GPC6: variants seen among roughly 807,000 people sequenced by gnomAD.
GPC6 encodes glypican 6, also known as glypican-6.
In GPC6, 14 loss-of-function variants were observed where a neutral mutation model predicts 55.2. The observed-to-expected ratio is 0.25, with a 90% CI of 0.17 to 0.40. The LOEUF (loss-of-function observed/expected upper bound fraction) is 0.40. GPC6 is among the 10% of genes least tolerant of loss of function. GPC6 has a pLI of 1.00. For synonymous variants in GPC6, 278 were observed against 259.6 expected (o/e 1.07, Z -0.68); for missense variants, 641 against 708.5 (o/e 0.90, Z 1.08).
At chr13:93,501,961 AT>A (rs1880536169) in intron 1 of GPC6, among the ~76,000 whole-genome samples, 1 of 152,172 alleles carries the variant, frequency 6.6e-6, no homozygotes, top group Non-Finnish European at 1.5e-5. Flanking sequence ...AGAATGTAGA[AT>A]AGTATATATT....
chr13:94,188,770 T>C (rs964638611), intron 4 of GPC6, among the ~76,000 whole-genome samples: 1 of 151,986 alleles, frequency 6.6e-6, no homozygotes, highest in African/African-American at 2.4e-5. Flanking sequence ...CCCCATCCCA[T>C]AGCTGGTGAC....
intron 4 of GPC6, among the ~76,000 whole-genome samples, chr13:94,075,812 C>T (rs2138788946): frequency 6.6e-6 from 1 of 152,192 alleles, no homozygotes; most frequent in South Asian, 2.1e-4. Context: ...CTTTCTAATG[C>T]TGAATAATAT....
At chr13:94,282,023 G>A (rs1279628704) in intron 4 of GPC6, among the ~76,000 whole-genome samples, 3 of 152,084 alleles carry the variant, frequency 2.0e-5, no homozygotes, top group African/African-American at 7.2e-5. Flanking sequence ...AACAAAAAGG[G>A]GAAATTATCT....
At chr13:93,846,738 G>A (rs979741442) in intron 3 of GPC6, among the ~76,000 whole-genome samples, 4 of 152,122 alleles carry the variant, frequency 2.6e-5, no homozygotes, top group African/African-American at 7.2e-5. Flanking sequence ...CACTTGAACC[G>A]GGGAGACGGA....
At chr13:93,902,546 T>C (rs1049495625) in intron 3 of GPC6, among the ~76,000 whole-genome samples, 17 of 152,182 alleles carry the variant, frequency 1.1e-4, no homozygotes, top group South Asian at 6.2e-4. Context: ...CTCACACTTA[T>C]TGCCCTTCCT....
At chr13:93,522,116 A>G (rs1881442696) in intron 1 of GPC6, among the ~76,000 whole-genome samples, 1 of 151,978 alleles carries the variant, frequency 6.6e-6, no homozygotes, top group African/African-American at 2.4e-5. Context: ...TCTTTGGTGG[A>G]AAACTAAGCA....
intron 1 of GPC6, among the ~76,000 whole-genome samples, chr13:93,394,794 TTTTATTTA>T (rs35986845): frequency 3.3e-5 from 5 of 151,022 alleles, no homozygotes; most frequent in African/African-American, 4.9e-5. Context: ...TATTAGGTAA[TTTTATTTA>T]TTTATTTATT....
intron 4 of GPC6, among the ~76,000 whole-genome samples, chr13:94,248,850 G>A (rs895688827): frequency 9.2e-5 from 14 of 152,058 alleles, no homozygotes; most frequent in African/African-American, 3.1e-4. Flanking sequence ...AATTATGGCT[G>A]GCAGCAGGAG....
chr13:93,888,276 T>C (rs1875462171), intron 3 of GPC6, among the ~76,000 whole-genome samples: 1 of 152,098 alleles, frequency 6.6e-6, no homozygotes, highest in Non-Finnish European at 1.5e-5. Context: ...ATTTATGAAG[T>C]TTGTTTTATG....
At chr13:93,915,858 C>A (rs1877260643) in intron 3 of GPC6, among the ~76,000 whole-genome samples, 1 of 152,164 alleles carries the variant, frequency 6.6e-6, no homozygotes, top group Non-Finnish European at 1.5e-5. Flanking sequence ...GAATGGAAGA[C>A]CTCACTGCGC....
intron 2 of GPC6, among the ~76,000 whole-genome samples, chr13:93,747,395 A>G (rs1884431929): frequency 6.6e-6 from 1 of 152,172 alleles, no homozygotes; most frequent in Non-Finnish European, 1.5e-5. Flanking sequence ...TCTTCCTGAA[A>G]CACACTATGC....
At chr13:93,937,122 T>C (rs570798075) in intron 3 of GPC6, among the ~76,000 whole-genome samples, 5 of 152,342 alleles carry the variant, frequency 3.3e-5, no homozygotes, top group Admixed American at 6.5e-5. Context: ...CAGCTCCACA[T>C]TGGGCTATTG....
chr13:93,487,237 T>C lies in GPC6; in HGVS notation c.161-58026T>C, dbSNP rs113721433. On this transcript the variant is annotated intron_variant, in intron 1 of 8. Transcript: ENST00000377047. ...AATTTTTAAATTTTTTTTTAACTTT[T>C]ATTTTAAGTTCAGGGATATATGTCC... 1.7e-3 allele frequency among the ~76,000 whole-genome samples: 256 copies of C among 152,324 alleles called. 1 individual carries two copies. The highest frequency in any genetic ancestry group is 3.4e-3 in the Middle Eastern group (1 of 294).
intron 6 of GPC6, among the ~76,000 whole-genome samples, chr13:94,358,126 C>T (rs537371171): frequency 5.3e-5 from 8 of 151,992 alleles, no homozygotes; most frequent in Non-Finnish European, 8.8e-5. Flanking sequence ...CCCATCTCTA[C>T]TAAAAATACA....
chr13:93,574,340 C>T (rs551835270), intron 2 of GPC6, among the ~76,000 whole-genome samples: 163 of 152,084 alleles, frequency 1.1e-3, no homozygotes, highest in African/African-American at 3.8e-3. Context: ...CTATAAGTGA[C>T]GACAGAGGAA....
intron 6 of GPC6, among the ~76,000 whole-genome samples, chr13:94,325,348 C>T (rs575837243): frequency 6.6e-6 from 1 of 152,262 alleles, no homozygotes; most frequent in East Asian, 1.9e-4. Flanking sequence ...AAAGGCAGGG[C>T]AGAGGGCAGT....
At chr13:93,620,214 C>T in intron 2 of GPC6, among the ~76,000 whole-genome samples, 1 of 152,144 alleles carries the variant, frequency 6.6e-6, no homozygotes, top group East Asian at 1.9e-4. Context: ...ATGAGGTACA[C>T]TTTATTCAAC....
At chr13:94,194,316 G>C (rs1325287076) in intron 4 of GPC6, among the ~76,000 whole-genome samples, 1 of 152,186 alleles carries the variant, frequency 6.6e-6, no homozygotes. Context: ...ACAATGTGGA[G>C]AGTGGTGTTT....
chr13:93,255,516 TG>T (rs1380259396), intron 1 of GPC6, among the ~76,000 whole-genome samples: 1 of 152,200 alleles, frequency 6.6e-6, no homozygotes, highest in Non-Finnish European at 1.5e-5. Context: ...GAAAAGTGTT[TG>T]GGTTTTTTTC....
Sources: allele counts gnomAD v4.1 joint callset (sites outside exome capture counted in the v4.1 genomes callset), GRCh38; gene constraint gnomAD v4.1.1; transcripts MANE v1.5; gene names NCBI Gene and HGNC (gene_info 2026-07-23, HGNC 2026-07-21).